Variants in ATRN observed in about 807,000 individuals in gnomAD.
The protein encoded by ATRN is attractin.
A neutral mutation model predicts 178.7 loss-of-function variants in ATRN; 54 were observed. That is an observed-to-expected ratio of 0.30 (90% CI 0.24 to 0.38). The LOEUF (loss-of-function observed/expected upper bound fraction) is 0.38, where lower values mean the gene tolerates loss of function less well. Ranked by LOEUF, ATRN falls within the 10% of genes least tolerant of loss-of-function variation. ATRN has a pLI of 1.00. For missense variants in ATRN, 1,443 were observed against 1,815.1 expected, an observed-to-expected ratio of 0.79 and a Z score of 3.73; for synonymous variants, 636 against 663.0, an observed-to-expected ratio of 0.96 and a Z score of 0.63.
chr20:3,594,766 T>A (rs1372240844), intron 20 of ATRN, among the ~76,000 whole-genome samples, 194 bp downstream of exon 20: 1 of 152,240 alleles, frequency 6.6e-6, no homozygotes, highest in Non-Finnish European at 1.5e-5. Flanking sequence ...GTCGTCGAGT[T>A]AGCAGCAATT....
intron 27 of ATRN, 86 bp downstream of exon 27, chr20:3,639,021 C>A: frequency 1.0e-6 from 1 of 982,420 alleles, no homozygotes; most frequent in Non-Finnish European, 1.5e-6. Context: ...AGCAAAAGCC[C>A]TATTCCATTA....
intron 22 of ATRN, 39 bp from the exon 23 acceptor site, chr20:3,600,907 G>T (rs1042284903): frequency 1.3e-6 from 2 of 1,528,058 alleles, no homozygotes; most frequent in Non-Finnish European, 1.8e-6. Context: ...TCTAGAAATT[G>T]TTTTAATTAA....
At chr20:3,601,051 G>T (rs1368074597) in intron 23 of ATRN, 27 bp downstream of exon 23, 2 of 1,545,596 alleles carry the variant, frequency 1.3e-6, no homozygotes, top group East Asian at 2.2e-5. Context: ...AGAAGACCCC[G>T]CAAATGAAGG....
intron 1 of ATRN, among the ~76,000 whole-genome samples, chr20:3,500,250 T>C (rs2084938656): frequency 6.6e-6 from 1 of 152,182 alleles, no homozygotes; most frequent in African/African-American, 2.4e-5. Flanking sequence ...TGTAAACTAG[T>C]TCAACCATTG....
chr20:3,512,107 A>ATATATATATATTTTTT, intron 1 of ATRN, among the ~76,000 whole-genome samples: 2 of 106,394 alleles, frequency 1.9e-5, no homozygotes, highest in Non-Finnish European at 3.6e-5. Flanking sequence ...ATATATATAT[A>ATATATATATATTTTTT]TTTTTTTTTT....
chr20:3,630,916 C>CTTTTTTTTTTTTTTTTTTTTTT (rs368394749), intron 25 of ATRN, among the ~76,000 whole-genome samples: 1 of 43,458 alleles, frequency 2.3e-5, no homozygotes, highest in Non-Finnish European at 4.2e-5. Flanking sequence ...ATTTATTTAG[C>CTTTTTTTTTTTTTTTTTTTTTT]TTTTTTTTTT....
At chr20:3,586,123 C>T (rs2146263947) in intron 18 of ATRN, among the ~76,000 whole-genome samples, 1 of 152,312 alleles carries the variant, frequency 6.6e-6, no homozygotes, top group Middle Eastern at 3.4e-3. Context: ...TAGCATCATT[C>T]TTCATAGCAT....
At position 3,599,976 on chromosome 20, in the gene ATRN, A is replaced by G. The variant is rs1042702944; in HGVS notation, c.3565-970A>G. ...GTGATTTTGTGCTATTAAAATGATC[A>G]AAACAACACCCTTAAAAATCTTATT... On this transcript the variant is annotated intron_variant, in intron 22 of 28. Coordinates refer to ENST00000262919, the MANE Select transcript of ATRN (RefSeq NM_139321.3). Among the ~76,000 whole-genome samples the G allele has an allele frequency of 4.6e-5, 7 of 152,250 alleles. 1 individual carries two copies. The highest frequency in any genetic ancestry group is 4.6e-4 in the Admixed American group (7 of 15,280).
intron 1 of ATRN, chr20:3,490,893 C>T (rs1195120551): frequency 1.3e-5 from 13 of 1,026,456 alleles, no homozygotes; most frequent in East Asian, 2.4e-5. Flanking sequence ...GGCCTGAGTG[C>T]GGTGATCAGA....
At chr20:3,492,854 G>GAGGGGC (rs1555807888) in intron 1 of ATRN, among the ~76,000 whole-genome samples, 1 of 132,434 alleles carries the variant, frequency 7.6e-6, no homozygotes. Context: ...GAGAGAGAGA[G>GAGGGGC]GCGCGCGCGC....
intron 24 of ATRN, among the ~76,000 whole-genome samples, chr20:3,623,202 T>A (rs618040): frequency 0.52 from 79,143 of 151,854 alleles, 22,780 homozygotes; most frequent in East Asian, 0.97. Flanking sequence ...AAAACTTTTA[T>A]GTGAGGACCA....
chr20:3,544,757 C>T (rs2085674274), intron 3 of ATRN, among the ~76,000 whole-genome samples: 1 of 151,522 alleles, frequency 6.6e-6, no homozygotes, highest in African/African-American at 2.4e-5. Context: ...CATATCTCTT[C>T]TGGAAAGCAA....
At chr20:3,583,820 A>G (rs2086313696) in intron 16 of ATRN, 78 bp from the exon 17 acceptor site, 8 of 1,400,188 alleles carry the variant, frequency 5.7e-6, no homozygotes, top group African/African-American at 1.5e-5. Flanking sequence ...AAAAAAAAAG[A>G]AAAGAAAGAA....
intron 12 of ATRN, among the ~76,000 whole-genome samples, chr20:3,573,791 CAG>C (rs2086163495): frequency 6.6e-6 from 1 of 151,284 alleles, no homozygotes; most frequent in African/African-American, 2.4e-5. Flanking sequence ...TATTTTGAGA[CAG>C]AGTCTCTGTC....
intron 1 of ATRN, among the ~76,000 whole-genome samples, chr20:3,477,803 A>G (rs542552664): frequency 6.6e-6 from 1 of 152,370 alleles, no homozygotes; most frequent in South Asian, 2.1e-4. Context: ...ATGACTTTTA[A>G]AAAAGTCGTC....
intron 2 of ATRN, among the ~76,000 whole-genome samples, chr20:3,539,558 C>G (rs1016475949): frequency 6.6e-6 from 1 of 151,842 alleles, no homozygotes; most frequent in Admixed American, 6.6e-5. Flanking sequence ...GGAGGTGGGA[C>G]TGGGTGGTTT....
At chr20:3,530,012 T>C (rs1335111924) in intron 1 of ATRN, among the ~76,000 whole-genome samples, 2 of 151,652 alleles carry the variant, frequency 1.3e-5, no homozygotes, top group Admixed American at 6.6e-5. Context: ...AGATGTAAGA[T>C]ACAGGAAAAT....
chr20:3,516,934 C>T (rs543300542), intron 1 of ATRN, among the ~76,000 whole-genome samples: 1 of 151,908 alleles, frequency 6.6e-6, no homozygotes, highest in South Asian at 2.1e-4. Context: ...GTGAACAGTG[C>T]CATAATAAAC....
rs375288973 is a variant in ATRN, at chr20:3,622,228, C to T, written c.3802-2283C>T. On this transcript the variant is annotated intron_variant, in intron 24 of 28. Coordinates refer to ENST00000262919, the MANE Select transcript of ATRN (RefSeq NM_139321.3). The stretch of plus-strand genomic sequence containing the variant: ...AACAGCCAGGAAACTCCTTAGTTTT[C>T]CCAAAGTCCTCCCTTAATCTCGTTT... Among the ~76,000 whole-genome samples the T allele has an allele frequency of 1.1e-4, 17 of 152,214 alleles. No homozygotes were observed. In the South Asian group the frequency reaches 1.2e-3, roughly 11 times the overall value.
Sources: allele counts gnomAD v4.1 joint callset (sites outside exome capture counted in the v4.1 genomes callset), GRCh38; gene constraint gnomAD v4.1.1; transcripts MANE v1.5; gene names NCBI Gene and HGNC (gene_info 2026-07-23, HGNC 2026-07-21).